LRRC4C: variants seen among roughly 807,000 people sequenced by gnomAD.
LRRC4C encodes leucine-rich repeat-containing protein 4C.
LRRC4C carries 5 observed loss-of-function variants against 33.6 expected under a neutral mutation model. The ratio of observed to expected loss-of-function variants is 0.15; its 90% confidence interval spans 0.08 to 0.31. The LOEUF is 0.31. Among genes scored for constraint, LRRC4C ranks in the 10% least tolerant of loss-of-function variants. The pLI is 1.00. For synonymous variants in LRRC4C, 329 were observed against 302.0 expected, an observed-to-expected ratio of 1.09 and a Z score of -0.93; for missense variants, 560 against 796.7, an observed-to-expected ratio of 0.70 and a Z score of 3.58.
intron 2 of LRRC4C, among the ~76,000 whole-genome samples, chr11:40,670,417 C>CT (rs1944031687): frequency 6.6e-6 from 1 of 152,184 alleles, no homozygotes; most frequent in Admixed American, 6.5e-5. Context: ...AGTGGGGAGA[C>CT]TGTTTCTAAA....
chr11:40,508,301 C>G (rs1388365597), intron 3 of LRRC4C, among the ~76,000 whole-genome samples: 1 of 152,070 alleles, frequency 6.6e-6, no homozygotes, highest in Non-Finnish European at 1.5e-5. Flanking sequence ...TCTGTAGTTA[C>G]TTTTTGCAAT....
At chr11:40,601,260 C>T (rs1235013481) in intron 3 of LRRC4C, among the ~76,000 whole-genome samples, 6 of 152,156 alleles carry the variant, frequency 3.9e-5, no homozygotes, top group Non-Finnish European at 8.8e-5. Context: ...TTCCATTTCT[C>T]CTGCTGAGAA....
intron 1 of LRRC4C, among the ~76,000 whole-genome samples, chr11:41,054,257 G>C (rs1325634347): frequency 6.6e-6 from 1 of 152,158 alleles, no homozygotes; most frequent in Non-Finnish European, 1.5e-5. Context: ...TCTATGAAGT[G>C]AATAGTGTGG....
chr11:41,371,755 C>T (rs912154344), intron 1 of LRRC4C, among the ~76,000 whole-genome samples: 3 of 152,170 alleles, frequency 2.0e-5, no homozygotes, highest in Admixed American at 1.3e-4. Flanking sequence ...TACTCCAGCC[C>T]TTTCAAAGAT....
At chr11:41,108,137 A>G (rs1941621336) in intron 1 of LRRC4C, among the ~76,000 whole-genome samples, 1 of 152,140 alleles carries the variant, frequency 6.6e-6, no homozygotes, top group Non-Finnish European at 1.5e-5. Flanking sequence ...GATTCTTATC[A>G]AGTAGAACAA....
intron 3 of LRRC4C, among the ~76,000 whole-genome samples, chr11:40,603,574 T>C (rs1385125217): frequency 6.6e-6 from 1 of 152,182 alleles, no homozygotes; most frequent in African/African-American, 2.4e-5. Context: ...TGTGAGTGGA[T>C]GTAGATGGTG....
intron 1 of LRRC4C, among the ~76,000 whole-genome samples, chr11:41,364,218 A>G (rs1427019827): frequency 6.6e-6 from 1 of 152,208 alleles, no homozygotes; most frequent in Non-Finnish European, 1.5e-5. Flanking sequence ...TGTAGCTGCT[A>G]TTCACTAGAA....
intron 6 of LRRC4C, among the ~76,000 whole-genome samples, chr11:40,131,031 C>T (rs116712191): frequency 2.4e-3 from 361 of 152,252 alleles, no homozygotes; most frequent in African/African-American, 8.4e-3. Flanking sequence ...TCCACGTTTG[C>T]ATGTAAATGT....
intron 3 of LRRC4C, among the ~76,000 whole-genome samples, chr11:40,382,572 T>C (rs1410758745): frequency 6.6e-6 from 1 of 151,732 alleles, no homozygotes; most frequent in Admixed American, 6.6e-5. Flanking sequence ...AGATCTACTC[T>C]CTAAGCAAAT....
intron 3 of LRRC4C, among the ~76,000 whole-genome samples, chr11:40,338,453 A>G (rs1049822398): frequency 2.0e-5 from 3 of 152,206 alleles, no homozygotes; most frequent in African/African-American, 7.2e-5. Context: ...TTTATAGGAT[A>G]TTTCAAAGGA....
intron 1 of LRRC4C, among the ~76,000 whole-genome samples, chr11:41,185,461 GTTAGGAAAGTAAAACAGAAAA>G (rs1427023261): frequency 6.6e-6 from 1 of 152,184 alleles, no homozygotes; most frequent in Non-Finnish European, 1.5e-5. Flanking sequence ...GTAGAAGCAA[GTTAGGAAAGTAAAACAGAAAA>G]TCTGCATGTA....
chr11:40,765,786 GAA>G (rs113329082), intron 2 of LRRC4C, among the ~76,000 whole-genome samples: 42 of 146,164 alleles, frequency 2.9e-4, no homozygotes, highest in Admixed American at 6.1e-4. Flanking sequence ...AGTCAGAGAA[GAA>G]AAAAAAAATT....
In LRRC4C at chr11:40,537,633, T is replaced by C. The variant is rs145655590; in HGVS notation, c.-270+110509A>G. Among the ~76,000 whole-genome samples, 1,495 of 152,250 alleles carry C rather than the reference T, an allele frequency of 9.8e-3. 18 individuals are homozygous for C. Among genetic ancestry groups the C allele is most frequent in the African/African-American group, 0.03 (1,264 of 41,558 alleles). ...TAAAGGAAGTTTGGCCCCTACCCCA[T>C]CTGGTTCTCAAAAACCATATCTCAG... On this transcript the variant is annotated intron_variant, in intron 3 of 6. Transcript: ENST00000528697.
intron 5 of LRRC4C, among the ~76,000 whole-genome samples, chr11:40,202,919 A>T (rs1862872030): frequency 6.6e-6 from 1 of 152,236 alleles, no homozygotes; most frequent in Non-Finnish European, 1.5e-5. Flanking sequence ...TGGGTCTTGC[A>T]TGATTTGCAC....
intron 6 of LRRC4C, among the ~76,000 whole-genome samples, chr11:40,133,388 T>A (rs1165901626): frequency 6.6e-6 from 1 of 152,166 alleles, no homozygotes. Flanking sequence ...AGTACTTACT[T>A]CCTTGTTCAT....
chr11:40,243,467 G>A (rs1168400693), intron 4 of LRRC4C, among the ~76,000 whole-genome samples: 1 of 131,554 alleles, frequency 7.6e-6, no homozygotes, highest in Non-Finnish European at 1.8e-5. Flanking sequence ...GGCTACAAAA[G>A]AAGAAGTGAT....
rs189501872 is a variant in LRRC4C at position 40,453,544 on chromosome 11, G to C, written c.-269-133823C>G. On this transcript the variant is annotated intron_variant, in intron 3 of 6. Coordinates refer to ENST00000528697, the MANE Select transcript of LRRC4C (RefSeq NM_001258419.2). ...AAAACTCTTTTAAAGAAACAAAAGA[G>C]AGGAGGACATTTCTATCTCATTTTA... 3.4e-3 allele frequency among the ~76,000 whole-genome samples: 515 copies of C among 150,854 alleles called. 2 individuals are homozygous for C. Among genetic ancestry groups the C allele is most frequent in the African/African-American group, 0.011 (464 of 41,184 alleles).
At chr11:41,260,551 C>A (rs1410427012) in intron 1 of LRRC4C, among the ~76,000 whole-genome samples, 1 of 151,120 alleles carries the variant, frequency 6.6e-6, no homozygotes, top group Admixed American at 6.6e-5. Flanking sequence ...CTGTTAAGCA[C>A]CATAAGGACA....
chr11:40,839,553 A>G (rs755664677), intron 2 of LRRC4C, among the ~76,000 whole-genome samples: 1 of 152,090 alleles, frequency 6.6e-6, no homozygotes, highest in African/African-American at 2.4e-5. Context: ...GCCATCACCT[A>G]TTTCAAACTT....
Sources: allele counts gnomAD v4.1 joint callset (sites outside exome capture counted in the v4.1 genomes callset), GRCh38; gene constraint gnomAD v4.1.1; transcripts MANE v1.5; gene names NCBI Gene and HGNC (gene_info 2026-07-23, HGNC 2026-07-21).